ASTN2: variants seen among roughly 807,000 people sequenced by gnomAD.
The protein encoded by ASTN2 is astrotactin 2.
A neutral mutation model predicts 139.8 loss-of-function variants in ASTN2; 54 were observed. The observed-to-expected ratio is 0.39, with a 90% CI of 0.31 to 0.48. The LOEUF (loss-of-function observed/expected upper bound fraction) is 0.48. Among genes scored for constraint, ASTN2 ranks in the 20% least tolerant of loss-of-function variants. The probability of loss-of-function intolerance (pLI) is 0.95; values close to 1 mark genes in which losing one functional copy is unlikely to be tolerated. For synonymous variants in ASTN2, 756 were observed against 719.5 expected (o/e 1.05, Z -0.81); for missense variants, 1,565 against 1,725.1 (o/e 0.91, Z 1.64).
intron 13 of ASTN2, among the ~76,000 whole-genome samples, chr9:116,798,911 C>T (rs540778158): frequency 1.4e-4 from 21 of 152,244 alleles, no homozygotes; most frequent in African/African-American, 4.8e-4. Context: ...ATTGTTTGTT[C>T]CCAAGACACA....
intron 16 of ASTN2, among the ~76,000 whole-genome samples, chr9:116,697,198 G>C (rs934332528): frequency 6.6e-6 from 1 of 152,106 alleles, no homozygotes; most frequent in East Asian, 1.9e-4. Flanking sequence ...TTTTCTCTTA[G>C]TGTAAATCAG....
At chr9:117,292,461 G>C (rs1325955409) in intron 1 of ASTN2, among the ~76,000 whole-genome samples, 2 of 152,154 alleles carry the variant, frequency 1.3e-5, no homozygotes, top group African/African-American at 2.4e-5. Flanking sequence ...GTCCTAGAAA[G>C]ACAAGGCCTA....
At chr9:116,701,614 T>C (rs1226642115) in intron 16 of ASTN2, among the ~76,000 whole-genome samples, 1 of 152,208 alleles carries the variant, frequency 6.6e-6, no homozygotes, top group African/African-American at 2.4e-5. Flanking sequence ...CAGCTGTCTG[T>C]GCTTTTGAAA....
chr9:116,582,863 A>G (rs1470369045), intron 19 of ASTN2: 1 of 152,220 alleles, frequency 6.6e-6, no homozygotes, highest in Non-Finnish European at 1.5e-5. Flanking sequence ...CAAGTAGCTT[A>G]GCCTGTTTTC....
intron 11 of ASTN2, among the ~76,000 whole-genome samples, chr9:116,832,895 A>C (rs1246982026): frequency 6.6e-6 from 1 of 151,348 alleles, no homozygotes; most frequent in Non-Finnish European, 1.5e-5. Context: ...TGATTTGGGA[A>C]GTATTCTCTC....
chr9:116,552,939 A>G (rs1017691037), intron 19 of ASTN2, among the ~76,000 whole-genome samples: 4 of 152,166 alleles, frequency 2.6e-5, no homozygotes, highest in Admixed American at 1.3e-4. Context: ...AGAGAATGGG[A>G]AAGGTTGCAG....
chr9:116,982,860 G>A (rs1014008384), intron 7 of ASTN2, among the ~76,000 whole-genome samples: 1 of 152,174 alleles, frequency 6.6e-6, no homozygotes, highest in African/African-American at 2.4e-5. Flanking sequence ...ACGAAGACAT[G>A]TTGCCTGTGT....
intron 2 of ASTN2, among the ~76,000 whole-genome samples, chr9:117,250,268 G>A (rs543887206): frequency 3.3e-4 from 51 of 152,286 alleles, no homozygotes; most frequent in African/African-American, 1.2e-3. Context: ...CTTTGATCCT[G>A]TTAGACACAT....
chr9:116,568,635 T>C (rs1226496252), intron 19 of ASTN2: 1 of 152,484 alleles, frequency 6.6e-6, no homozygotes, highest in Non-Finnish European at 1.5e-5. Context: ...AGAGTCTTTG[T>C]TGGGACACTC....
At chr9:116,952,069 A>T (rs1297406124) in intron 10 of ASTN2, among the ~76,000 whole-genome samples, 1 of 152,254 alleles carries the variant, frequency 6.6e-6, no homozygotes, top group African/African-American at 2.4e-5. Context: ...AATCACAATA[A>T]TATGTAAGCT....
chr9:116,708,466 C>T (rs776060434), intron 16 of ASTN2, among the ~76,000 whole-genome samples: 1 of 152,164 alleles, frequency 6.6e-6, no homozygotes, highest in Non-Finnish European at 1.5e-5. Flanking sequence ...ATAACAACAG[C>T]CAGGTCTTCA....
intron 7 of ASTN2, among the ~76,000 whole-genome samples, chr9:116,985,918 C>A (rs1042134311): frequency 6.6e-6 from 1 of 152,182 alleles, no homozygotes; most frequent in African/African-American, 2.4e-5. Flanking sequence ...AAGGTGTCAG[C>A]CTGGCAACCA....
At chr9:117,091,213 C>T (rs1477748733) in intron 5 of ASTN2, among the ~76,000 whole-genome samples, 1 of 152,206 alleles carries the variant, frequency 6.6e-6, no homozygotes, top group Non-Finnish European at 1.5e-5. Context: ...AATCAGCCTC[C>T]ATCCTGAACA....
chr9:117,150,601 C>T (rs1830306394), intron 3 of ASTN2, among the ~76,000 whole-genome samples: 1 of 152,154 alleles, frequency 6.6e-6, no homozygotes, highest in African/African-American at 2.4e-5. Context: ...TCTCAGCTCT[C>T]CTAACTGTTA....
At chr9:117,130,666 T>C (rs1829806138) in intron 4 of ASTN2, among the ~76,000 whole-genome samples, 1 of 152,236 alleles carries the variant, frequency 6.6e-6, no homozygotes, top group Non-Finnish European at 1.5e-5. Context: ...CATGTTAGCT[T>C]TGTCAGCCAT....
chr9:116,551,825 A>G (rs1852359864), intron 19 of ASTN2, among the ~76,000 whole-genome samples: 1 of 152,184 alleles, frequency 6.6e-6, no homozygotes, highest in Admixed American at 6.5e-5. Flanking sequence ...AGGGTAAGAA[A>G]TCAAGCTGGA....
At position 116,653,035 on chromosome 9, in the gene ASTN2, C is replaced by G. The variant is rs531775810; in HGVS notation, c.2807-1242G>C. 3.9e-5 allele frequency among the ~76,000 whole-genome samples: 6 copies of G among 152,284 alleles called. No individual in the cohort carries two copies. In the South Asian group the frequency reaches 1.2e-3, roughly 32 times the overall value. On this transcript the variant is annotated intron_variant, in intron 16 of 22. Coordinates refer to ENST00000313400, the MANE Select transcript of ASTN2 (RefSeq NM_001365068.1). ...GAATAAGTGTTTCTATTTATGAGAT[C>G]TTATTTAAGTTCATTTTCCCTTCCC...
chr9:116,759,549 A>G (rs1245018919), intron 13 of ASTN2, among the ~76,000 whole-genome samples: 1 of 152,104 alleles, frequency 6.6e-6, no homozygotes, highest in Admixed American at 6.5e-5. Context: ...CTAGTGAGAA[A>G]TATAACATTC....
rs1216876670 is a variant in ASTN2 at position 116,609,318 on chromosome 9, C to CTA, written c.3355+9005_3355+9006insTA. Among the ~76,000 whole-genome samples, 69 of 119,164 alleles carry CTA rather than the reference C, an allele frequency of 5.8e-4. 1 individual carries two copies. The highest frequency in any genetic ancestry group is 7.6e-4 in the African/African-American group (18 of 23,538). The allele number at this position is 119,164 out of a possible 152,430, so 78.2% of individuals were successfully genotyped here. ...AGGATCTCTCTCTCTCTCTCTCTCT[C>CTA]TCTCTCTCTCTATATATATATACAC... On this transcript the variant is annotated intron_variant, in intron 19 of 22. Coordinates refer to ENST00000313400, the MANE Select transcript of ASTN2 (RefSeq NM_001365068.1).
Sources: gnomAD v4.1 joint callset for allele counts (sites outside exome capture counted in the v4.1 genomes callset) on GRCh38, gnomAD v4.1.1 for gene constraint, MANE v1.5 for transcripts, NCBI Gene and HGNC (gene_info 2026-07-23, HGNC 2026-07-21) for gene names.